Variants in SPATA6L observed in about 807,000 individuals in gnomAD.
The protein encoded by SPATA6L is spermatogenesis associated 6 like.
A neutral mutation model predicts 49.2 loss-of-function variants in SPATA6L; 68 were observed. The ratio of observed to expected loss-of-function variants is 1.38; its 90% CI spans 1.14 to 1.69. The LOEUF is 1.69. SPATA6L is among the 40% of genes most tolerant of loss of function. The pLI, the probability that SPATA6L is intolerant of heterozygous loss-of-function variation, is 0.00. For missense variants in SPATA6L, 668 were observed against 464.3 expected (o/e 1.44, Z -4.03); for synonymous variants, 198 against 165.7 (o/e 1.19, Z -1.50).
chr9:4,656,019 T>G, intron 3 of SPATA6L, 22 bp downstream of exon 3: 1 of 1,600,732 alleles, frequency 6.2e-7, no homozygotes, highest in Non-Finnish European at 8.5e-7. Context: ...TGGTTTTTTG[T>G]TTTGTTTTTC....
chr9:4,622,187 G>A (rs984004528), intron 7 of SPATA6L, among the ~76,000 whole-genome samples: 15 of 152,228 alleles, frequency 9.9e-5, no homozygotes, highest in Non-Finnish European at 8.8e-5. Context: ...ACGCCGCTCA[G>A]AACGGTCCCC....
chr9:4,619,200 C>T (rs1413496687), intron 7 of SPATA6L, among the ~76,000 whole-genome samples: 2 of 149,426 alleles, frequency 1.3e-5, no homozygotes, highest in African/African-American at 5.0e-5. Context: ...CACTGTCGCC[C>T]AGGCTGGAGT....
intron 9 of SPATA6L, among the ~76,000 whole-genome samples, chr9:4,611,733 G>T (rs141257963): frequency 0.019 from 2,878 of 151,474 alleles, 88 homozygotes; most frequent in African/African-American, 0.067. Context: ...CACCAGCGTG[G>T]CACATGTATA....
intron 11 of SPATA6L, among the ~76,000 whole-genome samples, 182 bp from the exon 12 acceptor site, chr9:4,600,991 T>G (rs112376218): frequency 2.0e-5 from 3 of 152,226 alleles, no homozygotes; most frequent in African/African-American, 7.2e-5. Flanking sequence ...CCAGTGAGCA[T>G]CTGTGTGACC....
At chr9:4,664,920 G>C (rs770613501) in intron 1 of SPATA6L, 2 of 167,110 alleles carry the variant, frequency 1.2e-5, no homozygotes, top group Non-Finnish European at 2.9e-5. Context: ...GAAGCTCTAA[G>C]TGGTTTGGGT....
At chr9:4,629,767 G>GTATATATATA (rs1423783733) in intron 4 of SPATA6L, among the ~76,000 whole-genome samples, 97 of 88,882 alleles carry the variant, frequency 1.1e-3, no homozygotes, top group African/African-American at 5.8e-3. Context: ...GTGTGTGTGT[G>GTATATATATA]TGTATATATA....
chr9:4,646,628 T>A, intron 3 of SPATA6L: 2 of 515,944 alleles, frequency 3.9e-6, no homozygotes, highest in Middle Eastern at 5.1e-4. Flanking sequence ...TTAATAGTAA[T>A]AATAATAAAA....
intron 3 of SPATA6L, among the ~76,000 whole-genome samples, chr9:4,642,662 G>C (rs1302329635): frequency 6.6e-6 from 1 of 152,018 alleles, no homozygotes; most frequent in Non-Finnish European, 1.5e-5. Flanking sequence ...CTTTAGTTGA[G>C]ACATTTGCTA....
At position 4,639,722 on chromosome 9, in the gene SPATA6L, A is replaced by G. The variant is rs141580030; in HGVS notation, c.227-4323T>C. Among the ~76,000 whole-genome samples, 5 of 152,374 alleles carry G rather than the reference A, an allele frequency of 3.3e-5. No individual in the cohort carries two copies. In the East Asian group the frequency reaches 9.6e-4, roughly 29 times the overall value. The stretch of plus-strand genomic sequence containing the variant: ...CACAGACAGTGACATCATCAATGGC[A>G]TCAACGAACTTCTCCCCCAAAAAGG... On this transcript the variant is annotated intron_variant, in intron 3 of 11. Transcript: ENST00000682582.
intron 5 of SPATA6L, chr9:4,626,091 T>G (rs1830298112): frequency 5.9e-6 from 1 of 170,730 alleles, no homozygotes; most frequent in African/African-American, 2.4e-5. Context: ...CTGGTCTCTG[T>G]AGGCTCTGCC....
chr9:4,614,711 C>T (rs146980011), intron 9 of SPATA6L, among the ~76,000 whole-genome samples: 58 of 152,304 alleles, frequency 3.8e-4, no homozygotes, highest in African/African-American at 1.3e-3. Flanking sequence ...GAAACCAGGA[C>T]AGCCATGGGC....
chr9:4,598,119 G>T (rs1259316244), downstream of SPATA6L, among the ~76,000 whole-genome samples: 1 of 152,024 alleles, frequency 6.6e-6, no homozygotes, highest in Non-Finnish European at 1.5e-5. Flanking sequence ...GGTCAGTCAG[G>T]TGACCACAGA....
chr9:4,605,701 T>C (rs1212450261), intron 9 of SPATA6L, among the ~76,000 whole-genome samples: 2 of 152,216 alleles, frequency 1.3e-5, no homozygotes, highest in Non-Finnish European at 2.9e-5. Context: ...CTTTGTACTT[T>C]CCTGTGTTTT....
rs914901055 is a variant in SPATA6L, at chr9:4,599,347, T to C, written c.*1464A>G. 6.6e-6 allele frequency among the ~76,000 whole-genome samples: 1 copy of C among 152,226 alleles called. No individual in the cohort carries two copies. The highest frequency in any genetic ancestry group is 1.5e-5 in the Non-Finnish European group (1 of 68,042). ...AAGAAGAGGATAAATGAATTTTGTT[T>C]TGTTGTTTTTGTTTTTGGAGTTCCT... On this transcript the variant is annotated 3_prime_UTR_variant, in exon 12 of 12. Transcript: ENST00000682582.
Position 4,619,083 on chromosome 9 carries a change from C to T in SPATA6L, c.773-185G>A, listed in dbSNP as rs58114034. On this transcript the variant is annotated intron_variant, in intron 7 of 11. Coordinates refer to ENST00000682582, the MANE Select transcript of SPATA6L (RefSeq NM_001353486.2). ...TCTCCCTTGAGCCACTTCAATTCTC[C>T]GGGTTGTGGGGGTTTTTTGCTTTGT... is the stretch of plus-strand genomic sequence containing the variant. 6.7e-3 allele frequency among the ~76,000 whole-genome samples: 1,013 copies of T among 151,988 alleles called. 10 individuals are homozygous for T. The highest frequency in any genetic ancestry group is 0.023 in the African/African-American group (940 of 41,456).
chr9:4,600,765 T>C lies in SPATA6L; in HGVS notation c.*46A>G, dbSNP rs548902633. On this transcript the variant is annotated 3_prime_UTR_variant, in exon 12 of 12. Coordinates refer to ENST00000682582, the MANE Select transcript of SPATA6L (RefSeq NM_001353486.2). ...TTTAAGGATGCTTCAATTGTCTCAG[T>C]GAGTGAGCTCTTCATGATTCTCCTT... is the stretch of plus-strand genomic sequence containing the variant. The C allele has an allele frequency of 6.6e-6, 1 of 152,348 alleles. No individual in the cohort carries two copies. The highest frequency in any genetic ancestry group is 2.4e-5 in the African/African-American group (1 of 41,584). The allele number at this position is 152,348 out of a possible 1,614,324, so 9.4% of individuals were successfully genotyped here.
intron 11 of SPATA6L, among the ~76,000 whole-genome samples, chr9:4,602,340 A>G (rs938806325): frequency 3.3e-5 from 5 of 152,122 alleles, no homozygotes; most frequent in African/African-American, 1.2e-4. Flanking sequence ...ACCAGAGAGT[A>G]AATGGCCCAG....
At position 4,662,314 on chromosome 9, in the gene SPATA6L, T is replaced by G; in HGVS notation, c.40-278A>C. The stretch of plus-strand genomic sequence containing the variant: ...ATGGTAGTGCGGAAGCGGAAGAGGC[T>G]GCAGGGCCGGGAAGCCTCTGTTTGG... On this transcript the variant is annotated intron_variant, in intron 1 of 11. Coordinates refer to ENST00000682582, the MANE Select transcript of SPATA6L (RefSeq NM_001353486.2). This position sits in a 1 kb window ranked among gnomAD's most constrained non-coding sequence, Gnocchi z 4.9. The G allele has an allele frequency of 1.4e-6, 2 of 1,441,790 alleles. No homozygotes were observed. The highest frequency in any genetic ancestry group is 2.9e-5 in the African/African-American group (2 of 69,852). 89.3% of individuals were successfully genotyped at this position (1,441,790 alleles called of 1,614,324 possible).
rs148942029 is a variant in SPATA6L at position 4,616,862 on chromosome 9, G to C, written c.995+1061C>G. Among the ~76,000 whole-genome samples, 949 of 152,240 alleles carry C rather than the reference G, an allele frequency of 6.2e-3. 14 individuals carry two copies. Among genetic ancestry groups the C allele is most frequent in the African/African-American group, 0.022 (910 of 41,518 alleles). ...GGCCTCCCAAACTGCTGGGATTATAGGCATGAGCCACCGTGCCCAGCCGGA... is the reference window on the plus strand; with the variant it reads ...GGCCTCCCAAACTGCTGGGATTATACGCATGAGCCACCGTGCCCAGCCGGA... On this transcript the variant is annotated intron_variant, in intron 9 of 11. Transcript: ENST00000682582.
Sources: gnomAD v4.1 joint callset for allele counts (sites outside exome capture counted in the v4.1 genomes callset) on GRCh38, gnomAD v4.1.1 for gene constraint, Gnocchi (gnomAD v3.1) non-coding constraint, MANE v1.5 for transcripts, NCBI Gene and HGNC (gene_info 2026-07-23, HGNC 2026-07-21) for gene names.